Variants in PTPN3 observed in about 807,000 individuals in gnomAD.
The protein encoded by PTPN3 is protein tyrosine phosphatase non-receptor type 3, also known as tyrosine-protein phosphatase non-receptor type 3.
A neutral mutation model predicts 132.7 loss-of-function variants in PTPN3; 96 were observed. The observed-to-expected ratio is 0.72, with a 90% CI of 0.61 to 0.86. PTPN3 has a LOEUF of 0.86. Ranked by LOEUF, PTPN3 falls within the 40% of genes least tolerant of loss-of-function variation. The pLI is 0.00. For synonymous variants in PTPN3, 398 were observed against 429.0 expected (o/e 0.93, Z 0.89); for missense variants, 1,125 against 1,159.6 (o/e 0.97, Z 0.43).
chr9:109,486,422 G>A lies in PTPN3; in HGVS notation c.-18+11797C>T, dbSNP rs190395307. On this transcript the variant is annotated intron_variant, in intron 1 of 25. Transcript: ENST00000374541. ...AGCAAAAGAGGCAAATGGGAGAAGC[G>A]AGAGAACTCAGTTTGGGTGGAGTGG... is the stretch of plus-strand genomic sequence containing the variant. Among the ~76,000 whole-genome samples, 40 of 152,276 alleles carry A rather than the reference G, an allele frequency of 2.6e-4. No homozygotes were observed. The South Asian group carries it at 6.4e-3, about 24-fold the overall frequency.
chr9:109,421,306 G>A (rs1025974041), intron 13 of PTPN3, among the ~76,000 whole-genome samples: 1 of 152,176 alleles, frequency 6.6e-6, no homozygotes, highest in Non-Finnish European at 1.5e-5. Context: ...GTCAGCTCCT[G>A]CAGCGGGGGA....
chr9:109,514,140 T>C, the PTPN3 span, among the ~76,000 whole-genome samples: 2 of 152,170 alleles, frequency 1.3e-5, no homozygotes, highest in Admixed American at 6.5e-5. Flanking sequence ...ATTTCTCACA[T>C]CCTTCCCAAG....
At chr9:109,537,774 G>T in the PTPN3 span, among the ~76,000 whole-genome samples, 1 of 152,142 alleles carries the variant, frequency 6.6e-6, no homozygotes, top group African/African-American at 2.4e-5. Context: ...TCATTTGTAG[G>T]CAGCACTTCT....
intron 14 of PTPN3, among the ~76,000 whole-genome samples, chr9:109,416,138 C>G (rs1037787333): frequency 6.6e-6 from 1 of 152,136 alleles, no homozygotes; most frequent in Non-Finnish European, 1.5e-5. Flanking sequence ...TTGGAATTGT[C>G]TATCTTAAGG....
chr9:109,422,770 G>A lies in PTPN3; in HGVS notation c.1084C>T (p.His362Tyr). 6.2e-7 allele frequency: 1 copy of A among 1,610,732 alleles called. No homozygotes were observed. The highest frequency in any genetic ancestry group is 8.5e-7 in the Non-Finnish European group (1 of 1,177,360). The part of the protein sequence containing the change: ...PAMRRSLSVE[H>Y]LETKSLPSRS... ...GAAGGCAGACTCTTGGTTTCTAAGT[G>A]CTCCACTGATAAGGATCTCCGCATG... is the stretch of plus-strand genomic sequence containing the variant. Residue 362 changes from histidine to tyrosine, a missense_variant, in exon 13 of 26, where the codon CAC becomes TAC. By Grantham distance (83) the His-to-Tyr change is moderately conservative. Coordinates refer to ENST00000374541, the MANE Select transcript of PTPN3 (RefSeq NM_002829.4).
At chr9:109,414,380 G>C (rs1842316845) in intron 14 of PTPN3, among the ~76,000 whole-genome samples, 1 of 152,218 alleles carries the variant, frequency 6.6e-6, no homozygotes, top group African/African-American at 2.4e-5. Flanking sequence ...GCAGCTGCTG[G>C]CCTGTGGCCA....
intron 19 of PTPN3, among the ~76,000 whole-genome samples, chr9:109,396,314 C>A (rs182155262): frequency 2.6e-5 from 4 of 152,248 alleles, no homozygotes; most frequent in African/African-American, 9.6e-5. Context: ...AGGGATGGAA[C>A]GGAATGAGTT....
Position 109,463,422 on chromosome 9 carries a change from A to G in PTPN3, c.13T>C (p.Leu5=). ...TTAATTCTTCCACCCAACGCACGTA[A>G]CCGGGAGGTCATAACTATCGCTGAA... The part of the protein sequence containing the change: MTSR[L]RALGGRINNI... The change falls in exon 2 of 26, where the codon TTA becomes CTA. Residue 5 remains leucine, a synonymous_variant. Coordinates refer to ENST00000374541, the MANE Select transcript of PTPN3 (RefSeq NM_002829.4). The G allele has an allele frequency of 6.2e-7, 1 of 1,608,882 alleles. No homozygotes were observed. Among genetic ancestry groups the G allele is most frequent in the Non-Finnish European group, 8.5e-7 (1 of 1,178,780 alleles).
At chr9:109,521,112 C>A in the PTPN3 span, among the ~76,000 whole-genome samples, 2 of 152,124 alleles carry the variant, frequency 1.3e-5, no homozygotes, top group Non-Finnish European at 2.9e-5. Flanking sequence ...AGATGGCAAT[C>A]TGGAGAAAGG....
the PTPN3 span, among the ~76,000 whole-genome samples, chr9:109,532,381 A>G: frequency 6.6e-6 from 1 of 152,202 alleles, no homozygotes; most frequent in African/African-American, 2.4e-5. Flanking sequence ...TATTCTCTGT[A>G]CAAAGTAATC....
intron 7 of PTPN3, among the ~76,000 whole-genome samples, chr9:109,444,009 G>C (rs1229215664): frequency 6.6e-6 from 1 of 152,122 alleles, no homozygotes; most frequent in Admixed American, 6.5e-5. Context: ...GGCAGACCTA[G>C]GGCCACCTCA....
In PTPN3 at chr9:109,379,538, A is replaced by C; in HGVS notation, c.*18T>G. 6.2e-7 allele frequency: 1 copy of C among 1,604,562 alleles called. No individual in the cohort carries two copies. ...AGGATGCCCTTGGGAAAGAGGAATGAACTTTTTCACAGTTGTCTTAACTAG... is the reference window on the plus strand; with the variant it reads ...AGGATGCCCTTGGGAAAGAGGAATGCACTTTTTCACAGTTGTCTTAACTAG... On this transcript the variant is annotated 3_prime_UTR_variant, in exon 26 of 26. Transcript: ENST00000374541.
chr9:109,502,552 G>T (rs10739279), upstream of PTPN3, among the ~76,000 whole-genome samples: 130,278 of 152,218 alleles, frequency 0.86, 55,816 homozygotes, highest in South Asian at 0.94. Context: ...TCCCTGCACT[G>T]TGCGAGGCTG....
At chr9:109,530,205 CT>C in the PTPN3 span, among the ~76,000 whole-genome samples, 1 of 152,304 alleles carries the variant, frequency 6.6e-6, no homozygotes, top group Non-Finnish European at 1.5e-5. Context: ...TCATCCCAAA[CT>C]AAAATTCTGT....
chr9:109,492,531 C>T (rs190898386), intron 1 of PTPN3, among the ~76,000 whole-genome samples: 8 of 152,308 alleles, frequency 5.3e-5, no homozygotes, highest in Non-Finnish European at 8.8e-5. Flanking sequence ...CTTTTCTATG[C>T]CAAGTTTTGC....
chr9:109,416,243 C>T (rs1466255746), intron 14 of PTPN3, among the ~76,000 whole-genome samples: 1 of 152,098 alleles, frequency 6.6e-6, no homozygotes, highest in Non-Finnish European at 1.5e-5. Flanking sequence ...GGGTCAGCGT[C>T]AAGGAGGCTT....
In PTPN3 at chr9:109,391,124, G is replaced by A; in HGVS notation, c.2106+14C>T. ...TGAATGTGCTCTTAAGCATCATCCAGATTCCTAACTTACGTTCACGTAACT... is the reference window on the plus strand; with the variant it reads ...TGAATGTGCTCTTAAGCATCATCCAAATTCCTAACTTACGTTCACGTAACT... On this transcript the variant is annotated intron_variant, in intron 21 of 25. Transcript: ENST00000374541. The A allele has an allele frequency of 6.2e-7, 1 of 1,607,810 alleles. No individual in the cohort carries two copies. The highest frequency in any genetic ancestry group is 8.5e-7 in the Non-Finnish European group (1 of 1,174,654).
chr9:109,522,681 C>T, the PTPN3 span, among the ~76,000 whole-genome samples: 1 of 152,112 alleles, frequency 6.6e-6, no homozygotes. Context: ...GATTTATCTC[C>T]TCAGACCAAG....
intron 10 of PTPN3, among the ~76,000 whole-genome samples, chr9:109,429,742 A>C (rs547498365): frequency 1.3e-5 from 2 of 152,296 alleles, no homozygotes; most frequent in African/African-American, 4.8e-5. Flanking sequence ...CTTGGAACCA[A>C]TCCCCCAAGT....
Sources: allele counts gnomAD v4.1 joint callset (sites outside exome capture counted in the v4.1 genomes callset), GRCh38; gene constraint gnomAD v4.1.1; transcripts MANE v1.5; gene names NCBI Gene and HGNC (gene_info 2026-07-23, HGNC 2026-07-21).